Variants in TCF12 observed in about 807,000 individuals in gnomAD.
TCF12 encodes DNA-binding protein HTF4.
TCF12 carries 45 observed loss-of-function variants against 86.0 expected under a neutral mutation model. That is an observed-to-expected ratio of 0.52 (90% CI 0.41 to 0.67). The LOEUF is 0.67. Ranked by LOEUF, TCF12 falls within the 30% of genes least tolerant of loss-of-function variation. The probability of loss-of-function intolerance (pLI) is 0.00; values close to 1 mark genes in which losing one functional copy is unlikely to be tolerated. For missense variants in TCF12, 881 were observed against 859.9 expected (o/e 1.02, Z -0.31); for synonymous variants, 330 against 299.6 (o/e 1.10, Z -1.05).
intron 3 of TCF12, among the ~76,000 whole-genome samples, chr15:56,937,575 G>C (rs2060524038): frequency 6.6e-6 from 1 of 151,542 alleles, no homozygotes; most frequent in African/African-American, 2.4e-5. Context: ...TCTCTGGCTA[G>C]GACTATATTG....
At chr15:57,187,471 G>A (rs1180237617) in intron 6 of TCF12, among the ~76,000 whole-genome samples, 1 of 152,110 alleles carries the variant, frequency 6.6e-6, no homozygotes, top group Non-Finnish European at 1.5e-5. Context: ...GTCTTGGACA[G>A]TACATCAAAT....
intron 20 of TCF12, among the ~76,000 whole-genome samples, chr15:57,283,711 C>T (rs3095822): frequency 0.99 from 150,362 of 152,288 alleles, 74,261 homozygotes; most frequent in Middle Eastern, 1. Context: ...TGGTCAGTTT[C>T]GTGGCTGTCT....
intron 5 of TCF12, among the ~76,000 whole-genome samples, chr15:57,092,859 T>G (rs2049078057): frequency 6.6e-6 from 1 of 152,182 alleles, no homozygotes; most frequent in African/African-American, 2.4e-5. Context: ...AATCGTCCTT[T>G]TAAGACACAG....
chr15:56,990,631 A>G (rs930962642), intron 3 of TCF12, among the ~76,000 whole-genome samples: 1 of 152,082 alleles, frequency 6.6e-6, no homozygotes, highest in Non-Finnish European at 1.5e-5. Flanking sequence ...ACTACTCTAC[A>G]TATCTGTTGG....
chr15:57,200,662 G>A (rs1384015087), intron 8 of TCF12, among the ~76,000 whole-genome samples: 2 of 152,254 alleles, frequency 1.3e-5, no homozygotes, highest in Non-Finnish European at 2.9e-5. Context: ...AATAGGCAGG[G>A]TTACTTAGCA....
At chr15:56,947,971 T>G (rs2061084415) in intron 3 of TCF12, among the ~76,000 whole-genome samples, 1 of 152,160 alleles carries the variant, frequency 6.6e-6, no homozygotes, top group South Asian at 2.1e-4. Flanking sequence ...TTATCTTAAT[T>G]TAGTTGGCTC....
intron 4 of TCF12, among the ~76,000 whole-genome samples, chr15:57,088,170 G>T (rs1356922258): frequency 6.6e-6 from 1 of 152,098 alleles, no homozygotes; most frequent in Non-Finnish European, 1.5e-5. Flanking sequence ...TTCTTTTCTT[G>T]TCACTGCAAC....
chr15:57,128,000 G>T (rs1378934919), intron 5 of TCF12, among the ~76,000 whole-genome samples: 1 of 152,128 alleles, frequency 6.6e-6, no homozygotes. Context: ...TAAAAAGGGG[G>T]ATATAATGTT....
chr15:57,203,246 C>T (rs901230267), intron 8 of TCF12, among the ~76,000 whole-genome samples: 7 of 152,190 alleles, frequency 4.6e-5, no homozygotes, highest in African/African-American at 1.7e-4. Flanking sequence ...TCTGAACTCT[C>T]AGGAGTCGAC....
chr15:57,148,951 C>T (rs375840682), intron 5 of TCF12, among the ~76,000 whole-genome samples: 256 of 152,200 alleles, frequency 1.7e-3, no homozygotes, highest in Non-Finnish European at 2.5e-3. Context: ...CCACGTGAGA[C>T]GGGTCTAGGT....
intron 19 of TCF12, among the ~76,000 whole-genome samples, chr15:57,275,213 C>T (rs975272458): frequency 6.6e-6 from 1 of 152,096 alleles, no homozygotes; most frequent in Admixed American, 6.5e-5. Context: ...ACTGTAACTT[C>T]GTTAGGGATT....
intron 3 of TCF12, among the ~76,000 whole-genome samples, chr15:57,008,397 A>G (rs371984599): frequency 3.8e-5 from 1 of 26,272 alleles, no homozygotes; most frequent in Non-Finnish European, 1.1e-4. Flanking sequence ...TTTTTTCGAG[A>G]CAGGGTTTTG....
At chr15:57,154,917 A>G (rs1162748028) in intron 5 of TCF12, among the ~76,000 whole-genome samples, 3 of 152,182 alleles carry the variant, frequency 2.0e-5, no homozygotes, top group Non-Finnish European at 4.4e-5. Context: ...TTTCAGTTCA[A>G]AAATAATAAC....
chr15:57,027,164 A>G (rs115652145), intron 3 of TCF12, among the ~76,000 whole-genome samples: 326 of 152,316 alleles, frequency 2.1e-3, no homozygotes, highest in African/African-American at 7.2e-3. Context: ...ATAGATGTAT[A>G]TACTCTAATC....
chr15:57,241,833 A>C (rs754170093), intron 12 of TCF12, among the ~76,000 whole-genome samples: 1 of 152,106 alleles, frequency 6.6e-6, no homozygotes, highest in Admixed American at 6.5e-5. Flanking sequence ...TCTCTACTAA[A>C]AATACAAAAA....
At chr15:57,083,889 T>G (rs1271787455) in intron 4 of TCF12, among the ~76,000 whole-genome samples, 2 of 152,190 alleles carry the variant, frequency 1.3e-5, no homozygotes, top group Admixed American at 1.3e-4. Context: ...CTCTATAAAT[T>G]TTATAGAAGT....
At chr15:57,210,352 A>G (rs2058050672) in intron 8 of TCF12, among the ~76,000 whole-genome samples, 1 of 151,658 alleles carries the variant, frequency 6.6e-6, no homozygotes, top group South Asian at 2.1e-4. Flanking sequence ...AAAGATAGCT[A>G]CATAACTGTA....
In TCF12 at chr15:56,977,586, G is replaced by GACAC. The variant is rs543244368; in HGVS notation, c.148+56498_148+56501dup. Among the ~76,000 whole-genome samples, 31 of 147,842 alleles carry GACAC rather than the reference G, an allele frequency of 2.1e-4. No individual in the cohort carries two copies. The South Asian group carries it at 6.5e-3, about 31-fold the overall frequency. On this transcript the variant is annotated intron_variant, in intron 3 of 20. Coordinates refer to ENST00000333725, the MANE Select transcript of TCF12 (RefSeq NM_207037.2). ...GTGTATGTATGTGTGGAGAGAGAGAGACACACACACACAGAGAGGTGGAGA... is the reference window on the plus strand; with the variant it reads ...GTGTATGTATGTGTGGAGAGAGAGAGACACACACACACACACAGAGAGGTGGAGA...
At chr15:57,228,183 C>G (rs1237696245) in intron 8 of TCF12, among the ~76,000 whole-genome samples, 2 of 152,058 alleles carry the variant, frequency 1.3e-5, no homozygotes, top group Non-Finnish European at 2.9e-5. Context: ...ATCAGTTGTG[C>G]TTTGCCGCAA....
Sources: gnomAD v4.1 joint callset for allele counts (sites outside exome capture counted in the v4.1 genomes callset) on GRCh38, gnomAD v4.1.1 for gene constraint, MANE v1.5 for transcripts, NCBI Gene and HGNC (gene_info 2026-07-23, HGNC 2026-07-21) for gene names.